IMMP2L: variants seen among roughly 807,000 people sequenced by gnomAD.
IMMP2L encodes the protein mitochondrial inner membrane protease subunit 2.
IMMP2L carries 18 observed loss-of-function variants against 19.3 expected under a neutral mutation model. The ratio of observed to expected loss-of-function variants is 0.93; its 90% CI spans 0.64 to 1.38. The LOEUF is 1.38. IMMP2L is among the 40% of genes most tolerant of loss of function. IMMP2L has a pLI of 0.00. For synonymous variants in IMMP2L, 76 were observed against 73.0 expected (o/e 1.04, Z -0.21); for missense variants, 233 against 218.2 (o/e 1.07, Z -0.43).
In IMMP2L at chr7:111,226,528, G is replaced by C. The variant is rs150698682; in HGVS notation, c.239+260710C>G. On this transcript the variant is annotated intron_variant, in intron 3 of 5. Transcript: ENST00000405709. Reference sequence around the variant, plus strand: ...ATCCTCATCTCAATGTCTGCTTCTGGGGAATTAAACCTCTGAGAGCTAGCA... The same window carrying C: ...ATCCTCATCTCAATGTCTGCTTCTGCGGAATTAAACCTCTGAGAGCTAGCA... Among the ~76,000 whole-genome samples, 97 of 151,858 alleles carry C rather than the reference G, an allele frequency of 6.4e-4. 1 individual carries two copies. The highest frequency in any genetic ancestry group is 2.2e-3 in the African/African-American group (91 of 41,408).
At chr7:111,451,636 G>C (rs530678109) in intron 3 of IMMP2L, among the ~76,000 whole-genome samples, 2 of 148,752 alleles carry the variant, frequency 1.3e-5, no homozygotes, top group African/African-American at 2.5e-5. Flanking sequence ...GGGGTGCAGC[G>C]CACCAGCATG....
intron 5 of IMMP2L, among the ~76,000 whole-genome samples, chr7:110,672,936 C>G (rs954774636): frequency 1.3e-5 from 2 of 152,146 alleles, no homozygotes; most frequent in African/African-American, 2.4e-5. Context: ...GTGGATCTAC[C>G]ATTTTGGGGT....
chr7:111,015,907 C>T (rs1289328691), intron 3 of IMMP2L, among the ~76,000 whole-genome samples: 6 of 152,122 alleles, frequency 3.9e-5, no homozygotes, highest in Admixed American at 3.9e-4. Context: ...TTCCCCACTT[C>T]AAACACTCTT....
At chr7:111,524,925 C>CT (rs1393738584) in intron 1 of IMMP2L, among the ~76,000 whole-genome samples, 1 of 152,136 alleles carries the variant, frequency 6.6e-6, no homozygotes. Context: ...CACTTACTAC[C>CT]TGGCTCATTC....
chr7:110,903,358 T>A (rs1434890219), intron 4 of IMMP2L, among the ~76,000 whole-genome samples: 1 of 152,218 alleles, frequency 6.6e-6, no homozygotes, highest in African/African-American at 2.4e-5. Context: ...AATTTCTAGA[T>A]CTTATTCATC....
At chr7:111,090,291 C>T (rs970743033) in intron 3 of IMMP2L, among the ~76,000 whole-genome samples, 5 of 151,980 alleles carry the variant, frequency 3.3e-5, no homozygotes, top group East Asian at 3.8e-4. Flanking sequence ...AATATCCTTT[C>T]AGAGTTAATA....
chr7:111,123,189 G>A lies in IMMP2L; in HGVS notation c.240-159624C>T. Reference sequence around the variant, plus strand: ...TGCCTGAAAAATGTCTGTCCGAACTGAGCAACTTACAAGAACTCTATATTA... The same window carrying A: ...TGCCTGAAAAATGTCTGTCCGAACTAAGCAACTTACAAGAACTCTATATTA... On this transcript the variant is annotated intron_variant, in intron 3 of 5. Coordinates refer to ENST00000405709, the MANE Select transcript of IMMP2L (RefSeq NM_032549.4). This position sits in a 1 kb window ranked among gnomAD's most constrained non-coding sequence, Gnocchi z 6.4. 6.2e-7 allele frequency: 1 copy of A among 1,613,924 alleles called. No homozygotes were observed. The highest frequency in any genetic ancestry group is 8.5e-7 in the Non-Finnish European group (1 of 1,179,968).
chr7:111,418,800 T>G (rs38746), intron 3 of IMMP2L, among the ~76,000 whole-genome samples: 136 of 151,972 alleles, frequency 8.9e-4, no homozygotes, highest in Non-Finnish European at 1.7e-3. Context: ...AACAAACATT[T>G]GTAAAACCAC....
intron 5 of IMMP2L, among the ~76,000 whole-genome samples, chr7:110,788,474 C>A (rs1295482672): frequency 4.6e-5 from 7 of 151,686 alleles, no homozygotes; most frequent in African/African-American, 1.7e-4. Flanking sequence ...TCTTCCTGAG[C>A]CTGAACATTG....
At chr7:111,154,861 G>A (rs925756944) in intron 3 of IMMP2L, among the ~76,000 whole-genome samples, 1 of 152,064 alleles carries the variant, frequency 6.6e-6, no homozygotes, top group Admixed American at 6.6e-5. Context: ...AGGTTGAAGT[G>A]ATCCTCTTGC....
intron 3 of IMMP2L, among the ~76,000 whole-genome samples, chr7:111,030,913 T>C (rs1272802915): frequency 1.5e-5 from 1 of 68,454 alleles, no homozygotes; most frequent in Non-Finnish European, 3.2e-5. Flanking sequence ...TATATATATA[T>C]ATATATATAT....
intron 5 of IMMP2L, among the ~76,000 whole-genome samples, chr7:110,739,992 A>G (rs1211021826): frequency 1.3e-5 from 2 of 152,206 alleles, no homozygotes; most frequent in Non-Finnish European, 2.9e-5. Context: ...CAAGATGGAA[A>G]TTTAAAAGTT....
intron 2 of IMMP2L, among the ~76,000 whole-genome samples, chr7:111,493,659 C>T (rs1210143377): frequency 5.3e-5 from 8 of 150,018 alleles, no homozygotes; most frequent in African/African-American, 2.0e-4. Context: ...GAGCGGAGAT[C>T]GCGCCACTGC....
intron 3 of IMMP2L, among the ~76,000 whole-genome samples, chr7:111,331,455 T>C (rs972443589): frequency 1.3e-5 from 2 of 151,812 alleles, no homozygotes; most frequent in Non-Finnish European, 2.9e-5. Flanking sequence ...CCAAAGGGTA[T>C]AAAATCTCAG....
At chr7:111,225,250 G>T (rs1213443323) in intron 3 of IMMP2L, among the ~76,000 whole-genome samples, 1 of 152,054 alleles carries the variant, frequency 6.6e-6, no homozygotes, top group Non-Finnish European at 1.5e-5. Flanking sequence ...AAAAGTAGAA[G>T]TTTGAAAAAC....
intron 3 of IMMP2L, among the ~76,000 whole-genome samples, chr7:111,376,639 A>T (rs772861608): frequency 6.6e-6 from 1 of 152,150 alleles, no homozygotes; most frequent in African/African-American, 2.4e-5. Flanking sequence ...AAAAGGTGGA[A>T]ACAATCTAAA....
At chr7:110,826,711 T>C (rs946225689) in intron 5 of IMMP2L, among the ~76,000 whole-genome samples, 5 of 151,924 alleles carry the variant, frequency 3.3e-5, no homozygotes. Context: ...TGGGGAGGGA[T>C]AGCATTAGGA....
At chr7:111,347,526 G>A (rs928559411) in intron 3 of IMMP2L, among the ~76,000 whole-genome samples, 7 of 152,014 alleles carry the variant, frequency 4.6e-5, no homozygotes, top group African/African-American at 1.7e-4. Context: ...GCAGAAGAGA[G>A]AATGGATAAC....
intron 3 of IMMP2L, among the ~76,000 whole-genome samples, chr7:111,270,049 ATGTGTGTCTGTGTGTGTG>A (rs1584376781): frequency 7.5e-6 from 1 of 132,882 alleles, no homozygotes; most frequent in East Asian, 2.2e-4. Flanking sequence ...GTGTGCATGC[ATGTGTGTCTGTGTGTGTG>A]TGTGTGTGTG....
Sources: gnomAD v4.1 joint callset for allele counts (sites outside exome capture counted in the v4.1 genomes callset) on GRCh38, gnomAD v4.1.1 for gene constraint, Gnocchi (gnomAD v3.1) non-coding constraint, MANE v1.5 for transcripts, NCBI Gene and HGNC (gene_info 2026-07-23, HGNC 2026-07-21) for gene names.